CDC42BPB: variants seen among roughly 807,000 people sequenced by gnomAD.
CDC42BPB encodes serine/threonine-protein kinase MRCK beta.
CDC42BPB carries 37 observed loss-of-function variants against 214.9 expected under a neutral mutation model. That is an observed-to-expected ratio of 0.17 (90% CI 0.13 to 0.23). The LOEUF (loss-of-function observed/expected upper bound fraction) is 0.23, where lower values mean the gene tolerates loss of function less well. CDC42BPB is among the 10% of genes least tolerant of loss of function. The probability of loss-of-function intolerance (pLI) is 1.00; values close to 1 mark genes in which losing one functional copy is unlikely to be tolerated. For missense variants in CDC42BPB, 1,694 were observed against 2,227.0 expected (o/e 0.76, Z 4.82); for synonymous variants, 931 against 884.0 (o/e 1.05, Z -0.94).
chr14:102,999,920 C>A, intron 4 of CDC42BPB: 2 of 985,196 alleles, frequency 2.0e-6, no homozygotes, highest in Non-Finnish European at 1.2e-6. Flanking sequence ...GTGCATATGG[C>A]AGAGAGTGGA....
At chr14:103,015,385 GC>G (rs1157147157) in intron 1 of CDC42BPB, among the ~76,000 whole-genome samples, 2 of 152,074 alleles carry the variant, frequency 1.3e-5, no homozygotes, top group Admixed American at 1.3e-4. Context: ...TACTCAGGAG[GC>G]TGAGGCAGGA....
chr14:102,938,094 C>T lies in CDC42BPB; in HGVS notation c.5004+10G>A, dbSNP rs199734297. On this transcript the variant is annotated intron_variant, in intron 36 of 36. Coordinates refer to ENST00000361246, the MANE Select transcript of CDC42BPB (RefSeq NM_006035.4). Reference sequence around the variant, plus strand: ...TCATAGCCTCAGCACTGGACCTGGGCAAGTCTCACCTCTTTGTCAAAGTCC... The same window carrying T: ...TCATAGCCTCAGCACTGGACCTGGGTAAGTCTCACCTCTTTGTCAAAGTCC... 4 of 1,613,722 alleles carry T rather than the reference C, an allele frequency of 2.5e-6. No homozygotes were observed.
intron 5 of CDC42BPB, among the ~76,000 whole-genome samples, chr14:102,994,506 C>T (rs1484963868): frequency 1.3e-5 from 2 of 152,206 alleles, no homozygotes; most frequent in South Asian, 2.1e-4. Flanking sequence ...CCCAGGCCAA[C>T]TGAGAGAGCT....
chr14:102,994,717 A>G (rs1377857111), intron 5 of CDC42BPB, among the ~76,000 whole-genome samples: 1 of 152,234 alleles, frequency 6.6e-6, no homozygotes, highest in African/African-American at 2.4e-5. Flanking sequence ...TGAAAGAGCC[A>G]TGGTGAATTG....
intron 1 of CDC42BPB, among the ~76,000 whole-genome samples, chr14:103,056,698 G>A (rs1006114834): frequency 6.6e-6 from 1 of 151,396 alleles, no homozygotes; most frequent in African/African-American, 2.4e-5. Context: ...GAGTGGGAAC[G>A]TAGGATGTGG....
At chr14:102,955,877 T>C (rs1400627945) in intron 21 of CDC42BPB, among the ~76,000 whole-genome samples, 1 of 152,154 alleles carries the variant, frequency 6.6e-6, no homozygotes, top group Non-Finnish European at 1.5e-5. Flanking sequence ...TTTCCAACAG[T>C]TGCAATTAAT....
In CDC42BPB at chr14:102,983,697, C is replaced by T. The variant is rs569839623; in HGVS notation, c.750G>A (p.Ala250=). 54 of 1,613,888 alleles carry T rather than the reference C, an allele frequency of 3.3e-5. No individual in the cohort carries two copies. The highest frequency in any genetic ancestry group is 4.3e-5 in the Non-Finnish European group (51 of 1,180,052). Residue 250 remains alanine (A), a synonymous_variant, in exon 7 of 37, where the codon GCG becomes GCA. Transcript: ENST00000361246. ...PDYISPEILQ[A]MEDGMGKYGP... is the part of the protein sequence containing the mutation. ...CGTATTTGCCCATGCCGTCCTCCAT[C>T]GCCTGCAGGATCTCCGGCGAGATGT...
chr14:103,023,700 T>C (rs1886893126), intron 1 of CDC42BPB, among the ~76,000 whole-genome samples: 1 of 152,250 alleles, frequency 6.6e-6, no homozygotes, highest in African/African-American at 2.4e-5. Context: ...GTAAAAACTT[T>C]AGTTTTGACA....
rs1239715360 is a variant in CDC42BPB, at chr14:102,951,090, T to G, written c.3173-488A>C. 3.9e-5 allele frequency among the ~76,000 whole-genome samples: 6 copies of G among 152,362 alleles called. No homozygotes were observed. In the East Asian group the frequency reaches 7.7e-4, roughly 20 times the overall value. On this transcript the variant is annotated intron_variant, in intron 24 of 36. Coordinates refer to ENST00000361246, the MANE Select transcript of CDC42BPB (RefSeq NM_006035.4). The stretch of plus-strand genomic sequence containing the variant: ...ACACAAAAGCTCAGGGTTTCTGGCA[T>G]GAATGCGTCTTCAGCATGCGCACAG...
At chr14:102,952,701 T>A in intron 23 of CDC42BPB, 98 bp from the exon 24 acceptor site, 1 of 1,507,344 alleles carries the variant, frequency 6.6e-7, no homozygotes, top group Non-Finnish European at 8.9e-7. Context: ...TTGGGCATTA[T>A]CCTGAAAAGG....
At position 102,968,740 on chromosome 14, in the gene CDC42BPB, T is replaced by C. The variant is rs765202358; in HGVS notation, c.1996-24A>G. 1.4e-4 allele frequency: 228 copies of C among 1,611,314 alleles called. 1 individual carries two copies. The highest frequency in any genetic ancestry group is 1.8e-4 in the Non-Finnish European group (211 of 1,179,504). Reference sequence around the variant, plus strand: ...ACCTGAAGACAAAGGTTAACATAAATTGACAAACCTCTGTGTCCTCAAGGG... The same window carrying C: ...ACCTGAAGACAAAGGTTAACATAAACTGACAAACCTCTGTGTCCTCAAGGG... On this transcript the variant is annotated intron_variant, in intron 14 of 36. Coordinates refer to ENST00000361246, the MANE Select transcript of CDC42BPB (RefSeq NM_006035.4).
intron 22 of CDC42BPB, 86 bp downstream of exon 22, chr14:102,954,516 T>G (rs527275290): frequency 9.8e-6 from 14 of 1,423,824 alleles, no homozygotes; most frequent in Admixed American, 2.1e-5. Context: ...CAAACTGTTA[T>G]GCAGGGGCCA....
chr14:103,031,482 C>T (rs932919950), intron 1 of CDC42BPB, among the ~76,000 whole-genome samples: 3 of 152,216 alleles, frequency 2.0e-5, no homozygotes, highest in African/African-American at 7.2e-5. Context: ...TCTGCATTTC[C>T]TTTCACAAGC....
chr14:102,968,192 ATTTT>A, intron 16 of CDC42BPB, 57 bp downstream of exon 16: 1 of 1,231,400 alleles, frequency 8.1e-7, no homozygotes, highest in Middle Eastern at 1.9e-4. Flanking sequence ...ATTAAAAATA[ATTTT>A]TTTTTAAATT....
intron 24 of CDC42BPB, 150 bp downstream of exon 24, chr14:102,952,348 T>TAA: frequency 1.7e-6 from 1 of 594,260 alleles, no homozygotes; most frequent in Non-Finnish European, 3.0e-6. Flanking sequence ...CCACTCCCCC[T>TAA]AAAAAAAACC....
intron 14 of CDC42BPB, 146 bp from the exon 15 acceptor site, chr14:102,968,862 T>G: frequency 6.8e-7 from 1 of 1,471,034 alleles, no homozygotes; most frequent in African/African-American, 1.4e-5. Context: ...GTAGCTGACC[T>G]GGCTAACGTG....
intron 1 of CDC42BPB, among the ~76,000 whole-genome samples, chr14:103,022,026 C>G (rs1181757862): frequency 6.6e-6 from 1 of 152,116 alleles, no homozygotes. Flanking sequence ...GATGCAGTTC[C>G]AGAGAGAAGC....
intron 1 of CDC42BPB, among the ~76,000 whole-genome samples, chr14:103,035,437 A>G (rs1053447911): frequency 2.0e-5 from 3 of 152,160 alleles, no homozygotes; most frequent in East Asian, 1.9e-4. Flanking sequence ...GTTTACACCT[A>G]TAATTCCAGC....
chr14:103,054,206 T>A (rs760623706), intron 1 of CDC42BPB, among the ~76,000 whole-genome samples: 1 of 152,132 alleles, frequency 6.6e-6, no homozygotes, highest in South Asian at 2.1e-4. Flanking sequence ...ACCTATACTT[T>A]CCAAATTTCC....
Sources: allele counts gnomAD v4.1 joint callset (sites outside exome capture counted in the v4.1 genomes callset), GRCh38; gene constraint gnomAD v4.1.1; transcripts MANE v1.5; gene names NCBI Gene and HGNC (gene_info 2026-07-23, HGNC 2026-07-21).